Variants in ADA2 observed in about 807,000 individuals in gnomAD.
The protein encoded by ADA2 is adenosine deaminase 2, also known as adenosine deaminase CECR1.
A neutral mutation model predicts 44.2 loss-of-function variants in ADA2; 29 were observed. That is an observed-to-expected ratio of 0.66 (90% confidence interval 0.49 to 0.89). The LOEUF (loss-of-function observed/expected upper bound fraction) is 0.89, where lower values mean the gene tolerates loss of function less well. Ranked by LOEUF, ADA2 falls within the 40% of genes least tolerant of loss-of-function variation. The probability of loss-of-function intolerance (pLI) is 0.00; values close to 1 mark genes in which losing one functional copy is unlikely to be tolerated. For missense variants in ADA2, 637 were observed against 644.8 expected (o/e 0.99, Z 0.13); for synonymous variants, 215 against 234.9 (o/e 0.92, Z 0.77).
rs181012586 is a variant in ADA2 at position 17,201,760 on chromosome 22, G to A, written c.753+1803C>T. On this transcript the variant is annotated intron_variant, in intron 4 of 9. Transcript: ENST00000399837. ...TTGAGCACCTAGGGCTGCTCTCCTCGAAAGATCCCTCCCCTACCAACACGG... is the reference window on the plus strand; with the variant it reads ...TTGAGCACCTAGGGCTGCTCTCCTCAAAAGATCCCTCCCCTACCAACACGG... 5.0e-3 allele frequency among the ~76,000 whole-genome samples: 762 copies of A among 152,146 alleles called. 5 individuals carry two copies. The highest frequency in any genetic ancestry group is 0.017 in the African/African-American group (715 of 41,524).
intron 2 of ADA2, among the ~76,000 whole-genome samples, chr22:17,208,014 G>T (rs935804964): frequency 6.6e-6 from 1 of 152,004 alleles, no homozygotes; most frequent in African/African-American, 2.4e-5. Context: ...TGCCCATCCA[G>T]CCCCTGGCCC....
chr22:17,182,705 T>C lies in ADA2; in HGVS notation c.1138A>G (p.Thr380Ala), dbSNP rs1310372906. 6.2e-7 allele frequency: 1 copy of C among 1,613,864 alleles called. No homozygotes were observed. The highest frequency in any genetic ancestry group is 8.5e-7 in the Non-Finnish European group (1 of 1,179,994). The change falls in exon 8 of 10, where the codon ACC becomes GCC. Residue 380 changes from threonine to alanine, a missense_variant. Thr to Ala is a moderately conservative substitution (Grantham distance 58). Transcript: ENST00000399837. ...NILDALMLNT[T>A]RIGHGFALSK... is the part of the protein sequence containing the mutation. The stretch of plus-strand genomic sequence containing the variant: ...AAAGCAAATCCATGGCCGATTCTGG[T>C]AGTGTTCAGCATCAGAGCATCCAGA...
intron 7 of ADA2, among the ~76,000 whole-genome samples, chr22:17,187,074 G>A (rs931532381): frequency 6.1e-5 from 9 of 148,440 alleles, no homozygotes; most frequent in East Asian, 2.0e-4. Context: ...GCTGAGGCAG[G>A]AGAATGGCAT....
intron 1 of ADA2, among the ~76,000 whole-genome samples, chr22:17,217,444 G>GTTC (rs2062484290): frequency 6.6e-6 from 1 of 152,158 alleles, no homozygotes; most frequent in African/African-American, 2.4e-5. Flanking sequence ...GGGTGGCAAC[G>GTTC]AGCAGGGACT....
chr22:17,209,577 C>T lies in ADA2; in HGVS notation c.101G>A (p.Arg34Gln), dbSNP rs767960747. The change falls in exon 2 of 10, where the codon CGG becomes CAG. Residue 34 changes from arginine (R) to glutamine (Q), a missense_variant. Physicochemically the swap from Arg to Gln is conservative, Grantham distance 43 (BLOSUM62 1). Coordinates refer to ENST00000399837, the MANE Select transcript of ADA2 (RefSeq NM_001282225.2). ...CTTTTCTTTCAACAACAGATGCGCC[C>T]GTGTTTCATCTATGGATAGAGCTGA... The part of the protein sequence containing the change: ...FGSALSIDET[R>Q]AHLLLKEKMM... 7 of 1,613,944 alleles carry T rather than the reference C, an allele frequency of 4.3e-6. No individual in the cohort carries two copies. The highest frequency in any genetic ancestry group is 4.0e-5 in the African/African-American group (3 of 74,890).
chr22:17,187,860 T>G (rs1464305140), intron 7 of ADA2, among the ~76,000 whole-genome samples: 2 of 151,754 alleles, frequency 1.3e-5, no homozygotes, highest in Non-Finnish European at 2.9e-5. Context: ...ATTCCAGCAC[T>G]TTGGGAGGCC....
At chr22:17,182,490 G>C (rs1216631065) in intron 8 of ADA2, 114 bp downstream of exon 8, 2 of 1,045,412 alleles carry the variant, frequency 1.9e-6, no homozygotes, top group Admixed American at 3.7e-5. Context: ...AGAGTGGAGG[G>C]ATGTAGGTAA....
chr22:17,215,619 GA>G (rs979839706), intron 1 of ADA2, among the ~76,000 whole-genome samples: 1 of 142,396 alleles, frequency 7.0e-6, no homozygotes, highest in Non-Finnish European at 1.5e-5. Flanking sequence ...AAAAAAAAAA[GA>G]AAAAAGAAAT....
intron 3 of ADA2, 138 bp from the exon 4 acceptor site, chr22:17,203,911 G>A (rs1224034848): frequency 3.1e-6 from 2 of 650,786 alleles, no homozygotes; most frequent in Admixed American, 2.3e-5. Context: ...ATAAGGAAGG[G>A]GCAAAGGGGA....
At chr22:17,200,719 T>A (rs1461539651) in intron 4 of ADA2, among the ~76,000 whole-genome samples, 1 of 151,694 alleles carries the variant, frequency 6.6e-6, no homozygotes, top group Non-Finnish European at 1.5e-5. Context: ...CTGTCTCTAC[T>A]AATAATACAA....
chr22:17,219,887 G>C (rs781476999), upstream of ADA2, among the ~76,000 whole-genome samples: 1 of 151,816 alleles, frequency 6.6e-6, no homozygotes, highest in Non-Finnish European at 1.5e-5. Flanking sequence ...TGTTGGTCAG[G>C]CTGCTCTCGA....
chr22:17,197,988 A>G (rs1231720345), intron 4 of ADA2, among the ~76,000 whole-genome samples: 2 of 151,876 alleles, frequency 1.3e-5, no homozygotes, highest in African/African-American at 2.4e-5. Flanking sequence ...CGGTGAGCCA[A>G]GATTGCACCA....
chr22:17,214,059 A>G (rs28607941), intron 1 of ADA2: 87,439 of 485,074 alleles, frequency 0.18, 10,104 homozygotes, highest in African/African-American at 0.37. Flanking sequence ...AAAAAAAAAA[A>G]ATAGCATCCA....
chr22:17,182,914 A>G lies in ADA2; in HGVS notation c.1082-153T>C, dbSNP rs61208594. On this transcript the variant is annotated intron_variant, in intron 7 of 9. Transcript: ENST00000399837. ...GAGAAATTAACATTAACACAAATAC[A>G]CACACACAGTTTCCTTTTAACAATG... 0.21 allele frequency among the ~76,000 whole-genome samples: 31,911 copies of G among 151,478 alleles called. 3,458 individuals are homozygous for G. The highest frequency in any genetic ancestry group is 0.32 in the Middle Eastern group (93 of 294).
chr22:17,188,642 G>A, intron 6 of ADA2, 195 bp from the exon 7 acceptor site: 1 of 404,682 alleles, frequency 2.5e-6, no homozygotes, highest in Non-Finnish European at 4.5e-6. Context: ...CACTTTGGGA[G>A]GCCGAGGCAG....
intron 4 of ADA2, chr22:17,199,528 C>G: frequency 6.3e-7 from 1 of 1,597,500 alleles, no homozygotes. Flanking sequence ...AGGATTTGCC[C>G]AACAGGAAGT....
intron 4 of ADA2, among the ~76,000 whole-genome samples, chr22:17,201,967 C>CTTTTTTTTTTTTTTTTT (rs71200247): frequency 9.7e-6 from 1 of 103,122 alleles, no homozygotes; most frequent in Non-Finnish European, 1.9e-5. Context: ...TTTCTTTTTT[C>CTTTTTTTTTTTTTTTTT]TTTTTTTTTT....
chr22:17,209,360 T>A lies in ADA2; in HGVS notation c.318A>T (p.Pro106=), dbSNP rs777879993. Residue 106 remains proline (P), a synonymous_variant, in exon 2 of 10, where the codon CCA becomes CCT. Transcript: ENST00000399837. ...SQVFNILRMM[P]KGAALHLHDI... Reference sequence around the variant, plus strand: ...CCACCCCTTTCCAAACCTTACCTTTTGGCATCATCCTTAGAATATTAAACA... The same window carrying A: ...CCACCCCTTTCCAAACCTTACCTTTAGGCATCATCCTTAGAATATTAAACA... 1.9e-6 allele frequency: 3 copies of A among 1,612,610 alleles called. No homozygotes were observed. In the African/African-American group the frequency reaches 4.0e-5, roughly 22 times the overall value.
Position 17,209,389 on chromosome 22 carries a change from G to T in ADA2, c.289C>A (p.Gln97Lys). Residue 97 changes from glutamine to lysine, a missense_variant, in exon 2 of 10, where the codon CAA becomes AAA. Gln to Lys is a moderately conservative substitution (Grantham distance 53). Coordinates refer to ENST00000399837, the MANE Select transcript of ADA2 (RefSeq NM_001282225.2). ...ATCATCCTTAGAATATTAAACACTT[G>T]ACTTCTCTCAATGAGATGCTTGGCC... ...FQAKHLIERSQVFNILRMMPK... is the reference protein window; with the variant it reads ...FQAKHLIERSKVFNILRMMPK... The T allele has an allele frequency of 6.2e-7, 1 of 1,613,962 alleles. No individual in the cohort carries two copies. The highest frequency in any genetic ancestry group is 1.1e-5 in the South Asian group (1 of 91,058).
Sources: gnomAD v4.1 joint callset for allele counts (sites outside exome capture counted in the v4.1 genomes callset) on GRCh38, gnomAD v4.1.1 for gene constraint, MANE v1.5 for transcripts, NCBI Gene and HGNC (gene_info 2026-07-23, HGNC 2026-07-21) for gene names.